The following CPEB1 variants were observed in gnomAD, a reference collection of about 807,000 sequenced individuals.
CPEB1 encodes cytoplasmic polyadenylation element binding protein 1.
In CPEB1, 7 loss-of-function variants were observed where a neutral mutation model predicts 65.8. The ratio of observed to expected loss-of-function variants is 0.11; its 90% CI spans 0.06 to 0.20. The LOEUF (loss-of-function observed/expected upper bound fraction) is 0.20. Ranked by LOEUF, CPEB1 falls within the 10% of genes least tolerant of loss-of-function variation. The probability of loss-of-function intolerance (pLI) is 1.00; values close to 1 mark genes in which losing one functional copy is unlikely to be tolerated. For missense variants in CPEB1, 551 were observed against 712.2 expected (o/e 0.77, Z 2.58); for synonymous variants, 262 against 260.0 (o/e 1.01, Z -0.08).
At chr15:82,587,122 G>A (rs2041868187) in intron 3 of CPEB1, among the ~76,000 whole-genome samples, 1 of 152,122 alleles carries the variant, frequency 6.6e-6, no homozygotes, top group Non-Finnish European at 1.5e-5. Flanking sequence ...ATTAAAATGA[G>A]AATTCTGCTT....
chr15:82,560,320 G>A lies in CPEB1; in HGVS notation c.461-2334C>T, dbSNP rs544358769. Among the ~76,000 whole-genome samples the A allele has an allele frequency of 3.9e-5, 6 of 152,154 alleles. No individual in the cohort carries two copies. In the East Asian group the frequency reaches 1.2e-3, roughly 29 times the overall value. On this transcript the variant is annotated intron_variant, in intron 4 of 12. Coordinates refer to ENST00000684509, the MANE Select transcript of CPEB1 (RefSeq NM_001365242.1). ...CCACATTTCACAAAAACAAGTTAGG[G>A]TGATGAACAGTGAGGTAACAATTCA...
chr15:82,632,281 CAAAT>C (rs1432028837), intron 1 of CPEB1, among the ~76,000 whole-genome samples: 1 of 152,058 alleles, frequency 6.6e-6, no homozygotes, highest in Non-Finnish European at 1.5e-5. Context: ...TGCGCCCAGC[CAAAT>C]TCATTTATTT....
upstream of CPEB1, chr15:82,647,762 G>T: frequency 1.8e-6 from 2 of 1,111,556 alleles, no homozygotes; most frequent in Non-Finnish European, 2.3e-6. Flanking sequence ...GCGGGGGATG[G>T]GGGTACCGCG....
At chr15:82,569,974 T>C (rs2039763943) in intron 4 of CPEB1, among the ~76,000 whole-genome samples, 1 of 152,148 alleles carries the variant, frequency 6.6e-6, no homozygotes, top group Non-Finnish European at 1.5e-5. Context: ...CAAACAGTGA[T>C]ACCATACTTC....
intron 3 of CPEB1, among the ~76,000 whole-genome samples, chr15:82,601,167 C>T (rs2043087782): frequency 6.6e-6 from 1 of 150,782 alleles, no homozygotes; most frequent in African/African-American, 2.4e-5. Context: ...CTCGACCTCC[C>T]AAAGTGCTGG....
chr15:82,583,005 T>C (rs2041442056), intron 3 of CPEB1, among the ~76,000 whole-genome samples: 1 of 152,098 alleles, frequency 6.6e-6, no homozygotes, highest in Admixed American at 6.6e-5. Context: ...CCTCCCAAAG[T>C]GCTGTAGGAG....
intron 4 of CPEB1, among the ~76,000 whole-genome samples, chr15:82,558,690 G>A (rs948317420): frequency 5.9e-5 from 9 of 152,142 alleles, no homozygotes; most frequent in Admixed American, 4.6e-4. Flanking sequence ...TTTTCTCACT[G>A]GCATTTAGGG....
chr15:82,554,667 C>T (rs1489975039), intron 6 of CPEB1, among the ~76,000 whole-genome samples: 4 of 152,212 alleles, frequency 2.6e-5, no homozygotes, highest in Admixed American at 2.0e-4. Flanking sequence ...CAGAGACTGA[C>T]CTTAGTGAGG....
At chr15:82,629,720 T>G (rs990392871) in intron 1 of CPEB1, 1 of 985,414 alleles carries the variant, frequency 1.0e-6, no homozygotes, top group African/African-American at 1.7e-5. Flanking sequence ...GACCAAGTAA[T>G]GAAACTGGCA....
intron 3 of CPEB1, among the ~76,000 whole-genome samples, chr15:82,623,225 C>T (rs756050712): frequency 3.3e-5 from 5 of 152,220 alleles, no homozygotes; most frequent in Non-Finnish European, 5.9e-5. Flanking sequence ...ACCAAACCAA[C>T]CTCTTCCTGA....
rs375054209 is a variant in CPEB1, at chr15:82,549,582, G to A, written c.1358C>T (p.Thr453Met). The A allele has an allele frequency of 1.6e-5, 26 of 1,614,050 alleles. No individual in the cohort carries two copies. Among genetic ancestry groups the A allele is most frequent in the East Asian group, 4.5e-5 (2 of 44,904 alleles). ...TCCATGCAGAGCACCGACAAACACC[G>A]TCCTGCTGGGGTCAAGCCTCTGAGA... ...SPSQRLDPSR[T>M]VFVGALHGML... The change falls in exon 10 of 13, where the codon ACG (threonine) becomes ATG (methionine). Residue 453 changes from threonine to methionine, a missense_variant. Transcript: ENST00000684509.
intron 3 of CPEB1, among the ~76,000 whole-genome samples, chr15:82,599,443 A>T (rs1300969290): frequency 6.6e-6 from 1 of 152,214 alleles, no homozygotes; most frequent in Non-Finnish European, 1.5e-5. Flanking sequence ...CTGAAAAAAA[A>T]TGCTAACAAT....
At chr15:82,567,279 A>G (rs1369623820) in intron 4 of CPEB1, among the ~76,000 whole-genome samples, 5 of 152,140 alleles carry the variant, frequency 3.3e-5, no homozygotes, top group Non-Finnish European at 5.9e-5. Flanking sequence ...CTGCAGATCA[A>G]TGGGGAGCCT....
chr15:82,578,783 C>T (rs192992352), intron 3 of CPEB1, among the ~76,000 whole-genome samples: 93 of 152,070 alleles, frequency 6.1e-4, no homozygotes, highest in Middle Eastern at 3.4e-3. Flanking sequence ...AAAAAAAACC[C>T]CAAGTCATTC....
chr15:82,577,131 G>A (rs1228070564), intron 3 of CPEB1, among the ~76,000 whole-genome samples: 1 of 152,166 alleles, frequency 6.6e-6, no homozygotes, highest in East Asian at 1.9e-4. Flanking sequence ...TAAAGCAAAT[G>A]GTAAGATTAA....
At chr15:82,597,769 G>C (rs1300382362) in intron 3 of CPEB1, among the ~76,000 whole-genome samples, 2 of 152,048 alleles carry the variant, frequency 1.3e-5, no homozygotes, top group African/African-American at 4.8e-5. Flanking sequence ...TTTAATTCCT[G>C]TTCCAACACC....
At chr15:82,583,048 C>T (rs548225339) in intron 3 of CPEB1, among the ~76,000 whole-genome samples, 1 of 152,224 alleles carries the variant, frequency 6.6e-6, no homozygotes, top group Non-Finnish European at 1.5e-5. Context: ...CTCACCCTCC[C>T]CACTACTCTC....
At chr15:82,563,357 CTTTT>C (rs71453394) in intron 4 of CPEB1, among the ~76,000 whole-genome samples, 6 of 92,074 alleles carry the variant, frequency 6.5e-5, no homozygotes, top group East Asian at 3.7e-4. Context: ...CATCTCTATT[CTTTT>C]TTTTTTTTTT....
chr15:82,592,577 C>CAAAA (rs71453399), intron 3 of CPEB1, among the ~76,000 whole-genome samples: 1 of 85,432 alleles, frequency 1.2e-5, no homozygotes. Flanking sequence ...GATATTGTCT[C>CAAAA]AAAAAAAAAA....
Sources: allele counts gnomAD v4.1 joint callset (sites outside exome capture counted in the v4.1 genomes callset), GRCh38; gene constraint gnomAD v4.1.1; transcripts MANE v1.5; gene names NCBI Gene and HGNC (gene_info 2026-07-23, HGNC 2026-07-21).